Variants in SCN2A observed in about 807,000 individuals in gnomAD.
SCN2A encodes the protein sodium channel protein type 2 subunit alpha.
In SCN2A, 20 loss-of-function variants were observed where a neutral mutation model predicts 188.7. The ratio of observed to expected loss-of-function variants is 0.11; its 90% confidence interval spans 0.07 to 0.15. SCN2A has a LOEUF of 0.15. SCN2A is among the 10% of genes least tolerant of loss of function. The probability of loss-of-function intolerance (pLI) is 1.00; values close to 1 mark genes in which losing one functional copy is unlikely to be tolerated. For missense variants in SCN2A, 1,278 were observed against 2,445.0 expected (o/e 0.52, Z 10.07); for synonymous variants, 804 against 833.1 (o/e 0.97, Z 0.60).
At chr2:165,299,762 T>C (rs565773144) in intron 3 of SCN2A, among the ~76,000 whole-genome samples, 2 of 152,358 alleles carry the variant, frequency 1.3e-5, no homozygotes, top group South Asian at 2.1e-4. Flanking sequence ...TCTTTTACTG[T>C]AAGTTAAAAA....
At chr2:165,334,373 A>C (rs952648997) in intron 14 of SCN2A, among the ~76,000 whole-genome samples, 1 of 151,856 alleles carries the variant, frequency 6.6e-6, no homozygotes, top group Non-Finnish European at 1.5e-5. Context: ...ACATAGGCAC[A>C]ACAATCCTCA....
At chr2:165,240,694 T>TGTGTGA (rs755090637) in intron 1 of SCN2A, among the ~76,000 whole-genome samples, 9 of 150,622 alleles carry the variant, frequency 6.0e-5, no homozygotes, top group Middle Eastern at 6.8e-3. Flanking sequence ...TGTGTGTGTG[T>TGTGTGA]GATGGTGGAG....
Position 165,313,925 on chromosome 2 carries a change from G to T in SCN2A, c.1200G>T (p.Thr400=), listed in dbSNP as rs532681917. ...YQLTLRAAGK[T]YMIFFVLVIF... ...AGACACTACGTGCTGCTGGGAAAACGTACATGATATTTTTTGTGCTGGTCA... is the reference window on the plus strand; with the variant it reads ...AGACACTACGTGCTGCTGGGAAAACTTACATGATATTTTTTGTGCTGGTCA... Residue 400 remains threonine (T), a synonymous_variant, in exon 10 of 27, where the codon ACG becomes ACT. Coordinates refer to ENST00000375437, the MANE Select transcript of SCN2A (RefSeq NM_001040142.2). 6.2e-6 allele frequency: 10 copies of T among 1,613,744 alleles called. No homozygotes were observed. The Admixed American group carries it at 1.7e-4, about 27-fold the overall frequency.
At chr2:165,272,224 C>G (rs1695135080) in intron 1 of SCN2A, 1 of 151,494 alleles carries the variant, frequency 6.6e-6, no homozygotes, top group South Asian at 2.1e-4. Flanking sequence ...ATATGAATAT[C>G]AAAAAAGTAG....
At chr2:165,323,113 A>C in intron 11 of SCN2A, 43 bp from the exon 12 acceptor site, 2 of 1,526,956 alleles carry the variant, frequency 1.3e-6, no homozygotes, top group Non-Finnish European at 1.8e-6. Context: ...CCAGCTCTTA[A>C]CTCTCTTCAT....
intron 11 of SCN2A, among the ~76,000 whole-genome samples, chr2:165,317,671 G>C (rs1697833900): frequency 6.6e-6 from 1 of 152,060 alleles, no homozygotes; most frequent in Admixed American, 6.6e-5. Context: ...TTTGTTCATA[G>C]ATATGATATT....
intron 1 of SCN2A, among the ~76,000 whole-genome samples, chr2:165,255,588 C>G (rs1694278562): frequency 6.6e-6 from 1 of 151,684 alleles, no homozygotes; most frequent in Non-Finnish European, 1.5e-5. Flanking sequence ...TAAAATATGG[C>G]TCTATGGTTT....
chr2:165,277,385 C>A (rs926774636), intron 1 of SCN2A, among the ~76,000 whole-genome samples: 1 of 152,026 alleles, frequency 6.6e-6, no homozygotes, highest in South Asian at 2.1e-4. Context: ...AGCTCCAAAC[C>A]AAAAGTGGTT....
intron 1 of SCN2A, chr2:165,243,615 A>T (rs938427601): frequency 9.3e-5 from 14 of 150,854 alleles, no homozygotes; most frequent in Non-Finnish European, 1.5e-5. Flanking sequence ...AAAAAAAAAA[A>T]AGTCAATGTC....
intron 11 of SCN2A, among the ~76,000 whole-genome samples, chr2:165,319,463 T>G (rs906830859): frequency 6.6e-6 from 1 of 152,206 alleles, no homozygotes; most frequent in Non-Finnish European, 1.5e-5. Flanking sequence ...GAAAAAGTAA[T>G]TCTTTAGCTG....
intron 17 of SCN2A, among the ~76,000 whole-genome samples, chr2:165,356,750 A>G (rs1330587205): frequency 6.6e-6 from 1 of 152,178 alleles, no homozygotes; most frequent in East Asian, 1.9e-4. Flanking sequence ...GGGTTTTCCA[A>G]AAGAGCGTGT....
Position 165,390,261 on chromosome 2 carries a change from G to A in SCN2A, c.*437G>A, listed in dbSNP as rs553239308. 9.9e-4 allele frequency: 193 copies of A among 194,658 alleles called. No homozygotes were observed. The highest frequency in any genetic ancestry group is 1.8e-3 in the Non-Finnish European group (168 of 93,366). 12.1% of individuals were successfully genotyped at this position (194,658 alleles called of 1,614,324 possible). On this transcript the variant is annotated 3_prime_UTR_variant, in exon 27 of 27. Coordinates refer to ENST00000375437, the MANE Select transcript of SCN2A (RefSeq NM_001040142.2). The stretch of plus-strand genomic sequence containing the variant: ...TATCACTTTTCTTTTTAATTCACAG[G>A]TTGTTTACTATTATATGTGACTATT...
At chr2:165,303,300 G>A (rs140898321) in intron 3 of SCN2A, among the ~76,000 whole-genome samples, 1,347 of 83,754 alleles carry the variant, frequency 0.016, 17 homozygotes, top group African/African-American at 0.044. Context: ...TTTTGAGACG[G>A]GTTCTCGCTC....
intron 11 of SCN2A, among the ~76,000 whole-genome samples, chr2:165,322,104 C>T (rs907979264): frequency 6.6e-6 from 1 of 152,194 alleles, no homozygotes; most frequent in Non-Finnish European, 1.5e-5. Context: ...TTCTCCATAT[C>T]TGAATCTAGG....
intron 16 of SCN2A, among the ~76,000 whole-genome samples, chr2:165,349,480 C>T (rs542623438): frequency 6.6e-6 from 1 of 152,210 alleles, no homozygotes; most frequent in East Asian, 1.9e-4. Flanking sequence ...TATTAGTTTA[C>T]TGAAATTAAC....
chr2:165,352,733 A>G (rs999704355), intron 16 of SCN2A, among the ~76,000 whole-genome samples: 1 of 152,144 alleles, frequency 6.6e-6, no homozygotes, highest in African/African-American at 2.4e-5. Flanking sequence ...CCTTCAGGCT[A>G]TGTGTATGTG....
At chr2:165,268,436 TATG>T (rs1249507636) in intron 1 of SCN2A, 2 of 151,886 alleles carry the variant, frequency 1.3e-5, no homozygotes. Flanking sequence ...ATAAAAATCA[TATG>T]ATCGTCTTAA....
chr2:165,331,385 G>A lies in SCN2A; in HGVS notation c.2205G>A (p.Met735Ile). The change falls in exon 14 of 27, where the codon ATG becomes ATA. Residue 735 changes from methionine to isoleucine, a missense_variant. By Grantham distance (10) the Met-to-Ile change is conservative. Transcript: ENST00000375437. ...CATGCTGGTATAAATTTGCTAATAT[G>A]TGTTTGATTTGGGACTGTTGTAAAC... ...CPPCWYKFAN[M>I]CLIWDCCKPW... The A allele has an allele frequency of 1.2e-6, 2 of 1,613,816 alleles. No individual in the cohort carries two copies. The highest frequency in any genetic ancestry group is 1.7e-6 in the Non-Finnish European group (2 of 1,179,798).
At chr2:165,307,990 T>C in intron 4 of SCN2A, 53 bp downstream of exon 4, 1 of 1,190,340 alleles carries the variant, frequency 8.4e-7, no homozygotes, top group Non-Finnish European at 1.3e-6. Flanking sequence ...CATATTGTGC[T>C]TTTAACACCT....
Sources: allele counts gnomAD v4.1 joint callset (sites outside exome capture counted in the v4.1 genomes callset), GRCh38; gene constraint gnomAD v4.1.1; transcripts MANE v1.5; gene names NCBI Gene and HGNC (gene_info 2026-07-23, HGNC 2026-07-21).